Variants in PCDH9 observed in about 807,000 individuals in gnomAD.
PCDH9 encodes the protein protocadherin 9.
In PCDH9, 24 loss-of-function variants were observed where a neutral mutation model predicts 70.6. The ratio of observed to expected loss-of-function variants is 0.34; its 90% CI spans 0.25 to 0.48. PCDH9 has a LOEUF of 0.48. Ranked by LOEUF, PCDH9 falls within the 20% of genes least tolerant of loss-of-function variation. The pLI, the probability that PCDH9 is intolerant of heterozygous loss-of-function variation, is 0.99. For missense variants in PCDH9, 1,281 were observed against 1,503.6 expected, an observed-to-expected ratio of 0.85 and a Z score of 2.45; for synonymous variants, 562 against 558.5, an observed-to-expected ratio of 1.01 and a Z score of -0.09.
intron 4 of PCDH9, among the ~76,000 whole-genome samples, chr13:66,401,036 CGTAA>C (rs1050730654): frequency 7.2e-5 from 11 of 152,188 alleles, no homozygotes; most frequent in African/African-American, 2.4e-4. Context: ...GTGGGGAAAT[CGTAA>C]GTGTGTGAAA....
chr13:66,912,940 A>C (rs12430913), intron 2 of PCDH9, among the ~76,000 whole-genome samples: 13,476 of 152,092 alleles, frequency 0.089, 822 homozygotes, highest in Admixed American at 0.14. Flanking sequence ...TTGTATTATG[A>C]AAACTGTTTG....
chr13:66,874,914 AGTGTGTGTGTGT>A (rs36045690), intron 3 of PCDH9, among the ~76,000 whole-genome samples: 1 of 137,404 alleles, frequency 7.3e-6, no homozygotes, highest in Non-Finnish European at 1.5e-5. Context: ...CAAAAGCAGC[AGTGTGTGTGTGT>A]GTGTGTGTGT....
chr13:66,338,560 T>C (rs565654178), intron 4 of PCDH9, among the ~76,000 whole-genome samples: 14 of 152,102 alleles, frequency 9.2e-5, no homozygotes, highest in Non-Finnish European at 1.8e-4. Flanking sequence ...TAAGAGAATA[T>C]CTATTTTTAA....
intron 4 of PCDH9, among the ~76,000 whole-genome samples, chr13:66,339,046 C>G (rs1956083410): frequency 6.6e-6 from 1 of 151,978 alleles, no homozygotes; most frequent in Admixed American, 6.6e-5. Flanking sequence ...CAAAAACATG[C>G]ACATCCTTTA....
intron 4 of PCDH9, among the ~76,000 whole-genome samples, chr13:66,306,770 T>A (rs1455526318): frequency 6.6e-6 from 1 of 151,946 alleles, no homozygotes; most frequent in Non-Finnish European, 1.5e-5. Flanking sequence ...CTCACATACC[T>A]CCAATGATTA....
intron 2 of PCDH9, among the ~76,000 whole-genome samples, chr13:66,936,458 C>T (rs996891389): frequency 6.6e-6 from 1 of 151,998 alleles, no homozygotes. Flanking sequence ...ATATTTCTTC[C>T]ATTGCTGGAA....
At chr13:66,812,693 C>G (rs1207585906) in intron 3 of PCDH9, among the ~76,000 whole-genome samples, 1 of 152,118 alleles carries the variant, frequency 6.6e-6, no homozygotes, top group Non-Finnish European at 1.5e-5. Context: ...TGAGCAGTAA[C>G]ATACATAACA....
chr13:66,369,649 T>C (rs1336390613), intron 4 of PCDH9, among the ~76,000 whole-genome samples: 1 of 152,124 alleles, frequency 6.6e-6, no homozygotes, highest in South Asian at 2.1e-4. Flanking sequence ...GGGCAAAGAA[T>C]AGAGGGAGAT....
intron 3 of PCDH9, among the ~76,000 whole-genome samples, chr13:66,726,217 A>T (rs2079003598): frequency 6.6e-6 from 1 of 152,156 alleles, no homozygotes; most frequent in Non-Finnish European, 1.5e-5. Flanking sequence ...GAAAAAGGCA[A>T]TATGGAACAG....
intron 4 of PCDH9, among the ~76,000 whole-genome samples, chr13:66,409,769 A>G (rs1957340325): frequency 6.6e-6 from 1 of 152,234 alleles, no homozygotes; most frequent in Admixed American, 6.5e-5. Context: ...GAAGCAGGAC[A>G]TGTTTGAGAC....
intron 3 of PCDH9, among the ~76,000 whole-genome samples, chr13:66,899,982 T>A (rs1001810266): frequency 2.1e-4 from 32 of 152,094 alleles, no homozygotes; most frequent in Non-Finnish European, 4.4e-4. Flanking sequence ...GGATCAGTAA[T>A]TCTAGGATCG....
chr13:66,909,376 C>T (rs542420001), intron 2 of PCDH9, among the ~76,000 whole-genome samples: 1 of 151,992 alleles, frequency 6.6e-6, no homozygotes, highest in East Asian at 1.9e-4. Context: ...CCGCCCAAAG[C>T]AATCTATGGA....
At chr13:66,679,880 T>C (rs1282259659) in intron 3 of PCDH9, among the ~76,000 whole-genome samples, 2 of 152,128 alleles carry the variant, frequency 1.3e-5, no homozygotes, top group East Asian at 3.9e-4. Flanking sequence ...GATAATCTTT[T>C]GAAAATTCTA....
Position 66,670,305 on chromosome 13 carries a change from T to TA in PCDH9, c.3139-38895dup, listed in dbSNP as rs1201166650. ...TTTAAAATAACCTAAGTGGTCTAAG[T>TA]AATCAGTACTTTGGTAACCCTAATA... On this transcript the variant is annotated intron_variant, in intron 3 of 4. Transcript: ENST00000377865. 2.6e-5 allele frequency among the ~76,000 whole-genome samples: 4 copies of TA among 152,300 alleles called. No homozygotes were observed. In the East Asian group the frequency reaches 7.7e-4, roughly 29 times the overall value.
chr13:66,606,936 T>C (rs1012307248), intron 4 of PCDH9, among the ~76,000 whole-genome samples: 3 of 152,118 alleles, frequency 2.0e-5, no homozygotes, highest in Non-Finnish European at 4.4e-5. Context: ...TGATACTAGA[T>C]GGTGGTAATC....
chr13:66,570,153 T>C (rs4301913), intron 4 of PCDH9, among the ~76,000 whole-genome samples: 52,537 of 151,898 alleles, frequency 0.35, 9,578 homozygotes, highest in African/African-American at 0.46. Context: ...AAAAAACCCA[T>C]ATAAAAAGTT....
At chr13:67,066,672 G>A (rs1018922943) in intron 2 of PCDH9, among the ~76,000 whole-genome samples, 5 of 151,988 alleles carry the variant, frequency 3.3e-5, no homozygotes, top group Middle Eastern at 3.2e-3. Flanking sequence ...CTTTCATACA[G>A]AATTTTTTTT....
At chr13:66,946,906 G>T (rs1010559018) in intron 2 of PCDH9, among the ~76,000 whole-genome samples, 14 of 152,072 alleles carry the variant, frequency 9.2e-5, no homozygotes, top group African/African-American at 3.4e-4. Flanking sequence ...TTGAATAAAT[G>T]TACTATGTTT....
intron 3 of PCDH9, among the ~76,000 whole-genome samples, chr13:66,701,889 T>G (rs2078652363): frequency 6.6e-6 from 1 of 152,212 alleles, no homozygotes; most frequent in African/African-American, 2.4e-5. Flanking sequence ...CTTCTTCTGA[T>G]GCAGGGATTG....
Sources: gnomAD v4.1 joint callset for allele counts (sites outside exome capture counted in the v4.1 genomes callset) on GRCh38, gnomAD v4.1.1 for gene constraint, MANE v1.5 for transcripts, NCBI Gene and HGNC (gene_info 2026-07-23, HGNC 2026-07-21) for gene names.